The following LZTFL1 variants were observed in gnomAD, a reference collection of about 807,000 sequenced individuals.
The protein encoded by LZTFL1 is leucine zipper transcription factor like 1.
LZTFL1 carries 25 observed loss-of-function variants against 45.9 expected under a neutral mutation model. The ratio of observed to expected loss-of-function variants is 0.54; its 90% CI spans 0.40 to 0.76. The LOEUF (loss-of-function observed/expected upper bound fraction) is 0.76, where lower values mean the gene tolerates loss of function less well. Among genes scored for constraint, LZTFL1 ranks in the 30% least tolerant of loss-of-function variants. The pLI, the probability that LZTFL1 is intolerant of heterozygous loss-of-function variation, is 0.00. For missense variants in LZTFL1, 277 were observed against 331.1 expected (o/e 0.84, Z 1.27); for synonymous variants, 93 against 117.4 (o/e 0.79, Z 1.35).
At chr3:45,860,615 A>C (rs574391526) in intron 2 of LZTFL1, among the ~76,000 whole-genome samples, 2 of 152,158 alleles carry the variant, frequency 1.3e-5, no homozygotes, top group Non-Finnish European at 2.9e-5. Flanking sequence ...AGATTTTGTC[A>C]AAATAATTAG....
intron 2 of LZTFL1, among the ~76,000 whole-genome samples, chr3:45,909,582 C>G (rs1178640088): frequency 1.3e-5 from 2 of 152,226 alleles, no homozygotes; most frequent in African/African-American, 2.4e-5. Context: ...AACTCATGCT[C>G]TTATCCTTAT....
Position 45,901,460 on chromosome 3 carries a change from C to T in LZTFL1, c.-215+11660G>A. The T allele has an allele frequency of 6.2e-7, 1 of 1,614,168 alleles. No individual in the cohort carries two copies. Reference sequence around the variant, plus strand: ...CCCTGAAGGTCATTCTGGGGTTCTTCCTTCCCTTCGTGGTCATGGCTTGCT... The same window carrying T: ...CCCTGAAGGTCATTCTGGGGTTCTTTCTTCCCTTCGTGGTCATGGCTTGCT... On this transcript the variant is annotated intron_variant, in intron 2 of 4. Coordinates refer to the LZTFL1 transcript ENST00000472635. This position sits in a 1 kb window ranked among gnomAD's most constrained non-coding sequence, Gnocchi z 4.3.
At chr3:45,902,970 G>C (rs1488433636) in intron 2 of LZTFL1, 1 of 166,996 alleles carries the variant, frequency 6.0e-6, no homozygotes, top group Non-Finnish European at 1.5e-5. Flanking sequence ...TTAGAGATTA[G>C]GCTGAAAAAA....
chr3:45,827,911 C>T (rs1196573724), intron 8 of LZTFL1, among the ~76,000 whole-genome samples: 1 of 151,704 alleles, frequency 6.6e-6, no homozygotes, highest in Non-Finnish European at 1.5e-5. Flanking sequence ...CTATGTTGGC[C>T]AGGCTGGTCT....
intron 2 of LZTFL1, chr3:45,883,916 C>A: frequency 2.2e-6 from 1 of 463,334 alleles, no homozygotes; most frequent in Non-Finnish European, 4.1e-6. Flanking sequence ...CTCACTAGTC[C>A]AGTGGACAGA....
At chr3:45,914,532 C>A (rs1702861304) in intron 1 of LZTFL1, among the ~76,000 whole-genome samples, 1 of 152,082 alleles carries the variant, frequency 6.6e-6, no homozygotes. Context: ...CCTCGGCCAC[C>A]CAAAATGCTG....
chr3:45,890,188 GT>G (rs1290157083), intron 2 of LZTFL1, among the ~76,000 whole-genome samples: 2 of 139,934 alleles, frequency 1.4e-5, no homozygotes, highest in Admixed American at 1.6e-4. Flanking sequence ...TTTTTCTCAG[GT>G]ATTACATGAT....
At chr3:45,903,169 A>G (rs1480615004) in intron 2 of LZTFL1, 1 of 167,064 alleles carries the variant, frequency 6.0e-6, no homozygotes, top group African/African-American at 2.4e-5. Context: ...GATCAAATAG[A>G]TACATTAAGA....
At chr3:45,890,155 T>C (rs563907542) in intron 2 of LZTFL1, among the ~76,000 whole-genome samples, 2 of 147,690 alleles carry the variant, frequency 1.4e-5, no homozygotes, top group South Asian at 4.2e-4. Context: ...CTTTCTTCTT[T>C]TTGTGGTTTC....
At chr3:45,871,779 G>A (rs1319445258) in intron 2 of LZTFL1, among the ~76,000 whole-genome samples, 4 of 152,140 alleles carry the variant, frequency 2.6e-5, no homozygotes, top group Non-Finnish European at 5.9e-5. Context: ...AGAAAAGAAA[G>A]GCAGTTCTAC....
At chr3:45,858,228 G>A (rs1559411315) in intron 3 of LZTFL1, among the ~76,000 whole-genome samples, 1 of 152,194 alleles carries the variant, frequency 6.6e-6, no homozygotes, top group African/African-American at 2.4e-5. Context: ...CTGTCAGGGT[G>A]TATTATCAAG....
At position 45,827,466 on chromosome 3, in the gene LZTFL1, A is replaced by G; in HGVS notation, c.778-7T>C. 6 of 1,574,608 alleles carry G rather than the reference A, an allele frequency of 3.8e-6. No individual in the cohort carries two copies. Among genetic ancestry groups the G allele is most frequent in the Non-Finnish European group, 5.2e-6 (6 of 1,144,414 alleles). On this transcript the variant is annotated splice_polypyrimidine_tract_variant and splice_region_variant and intron_variant, in intron 8 of 9. Coordinates refer to ENST00000296135, the MANE Select transcript of LZTFL1 (RefSeq NM_020347.4). ...GAAATTTCTTTTCTAATTCCTGCTT[A>G]GTAAAAAATGTCAGCCCATTACTAA... is the stretch of plus-strand genomic sequence containing the variant.
intron 4 of LZTFL1, among the ~76,000 whole-genome samples, chr3:45,848,917 A>G (rs999359489): frequency 6.6e-6 from 1 of 152,200 alleles, no homozygotes; most frequent in Non-Finnish European, 1.5e-5. Flanking sequence ...ATCTCCAAAA[A>G]TTTTTCCAAT....
intron 2 of LZTFL1, among the ~76,000 whole-genome samples, chr3:45,885,549 G>A (rs1575288996): frequency 6.6e-6 from 1 of 152,094 alleles, no homozygotes; most frequent in South Asian, 2.1e-4. Context: ...CACTCCATGT[G>A]TTCCTAGCTA....
At chr3:45,829,334 C>T (rs574504733) in intron 7 of LZTFL1, among the ~76,000 whole-genome samples, 40 of 152,204 alleles carry the variant, frequency 2.6e-4, no homozygotes, top group Admixed American at 7.8e-4. Context: ...TTTCAAGTGG[C>T]TCTCACGCCT....
At position 45,847,799 on chromosome 3, in the gene LZTFL1, C is replaced by A. The variant is rs147161495; in HGVS notation, c.-49+7187G>T. Among the ~76,000 whole-genome samples the A allele has an allele frequency of 2.3e-3, 343 of 152,338 alleles. 2 individuals are homozygous for A. Among genetic ancestry groups the A allele is most frequent in the Middle Eastern group, 6.8e-3 (2 of 294 alleles). ...GCACAAAACATTGGAGTTAGATAAT[C>A]CTTTCCTATTACATTTTGGTGCTCA... On this transcript the variant is annotated intron_variant, in intron 4 of 4. Coordinates refer to the LZTFL1 transcript ENST00000472635.
intron 2 of LZTFL1, chr3:45,883,638 C>T (rs771490459): frequency 2.9e-5 from 13 of 448,622 alleles, no homozygotes; most frequent in Middle Eastern, 1.3e-3. Flanking sequence ...AAAAGGTCAG[C>T]GCTTCTACAA....
intron 4 of LZTFL1, among the ~76,000 whole-genome samples, chr3:45,849,058 G>A (rs1450006655): frequency 1.3e-5 from 2 of 152,148 alleles, no homozygotes; most frequent in East Asian, 1.9e-4. Context: ...AGTGTCTATC[G>A]GTTGTTGGGA....
chr3:45,888,163 G>GCTCTCTCC lies in LZTFL1; in HGVS notation c.-215+24949_-215+24956dup, dbSNP rs1702039872. Among the ~76,000 whole-genome samples, 4 of 152,320 alleles carry GCTCTCTCC rather than the reference G, an allele frequency of 2.6e-5. No individual in the cohort carries two copies. The South Asian group carries it at 8.3e-4, about 32-fold the overall frequency. On this transcript the variant is annotated intron_variant, in intron 2 of 4. Coordinates refer to the LZTFL1 transcript ENST00000472635. ...ACTTTTCTCTTTTGGAGAATTAGCAGCTCTCTCCCTTCCTTTATCTCCCAG... is the reference window on the plus strand; with the variant it reads ...ACTTTTCTCTTTTGGAGAATTAGCAGCTCTCTCCCTCTCTCCCTTCCTTTATCTCCCAG...
Sources: allele counts gnomAD v4.1 joint callset (sites outside exome capture counted in the v4.1 genomes callset), GRCh38; gene constraint gnomAD v4.1.1; non-coding constraint Gnocchi (gnomAD v3.1); transcripts MANE v1.5; gene names NCBI Gene and HGNC (gene_info 2026-07-23, HGNC 2026-07-21).